ARHGAP26: variants seen among roughly 807,000 people sequenced by gnomAD.
ARHGAP26 encodes the protein Rho GTPase activating protein 26.
Under a neutral mutation model 104.8 loss-of-function variants are expected in ARHGAP26, and 38 were observed. The ratio of observed to expected loss-of-function variants is 0.36; its 90% CI spans 0.28 to 0.48. ARHGAP26 has a LOEUF of 0.48. ARHGAP26 is among the 20% of genes least tolerant of loss of function. The pLI is 0.99. For missense variants in ARHGAP26, 704 were observed against 947.9 expected, an observed-to-expected ratio of 0.74 and a Z score of 3.38; for synonymous variants, 341 against 340.0, an observed-to-expected ratio of 1.00 and a Z score of -0.03.
At chr5:143,007,084 C>T (rs1451301604) in intron 11 of ARHGAP26, among the ~76,000 whole-genome samples, 1 of 151,534 alleles carries the variant, frequency 6.6e-6, no homozygotes, top group Non-Finnish European at 1.5e-5. Flanking sequence ...GCCTGTAGTC[C>T]CAGCTGCTCA....
chr5:142,850,095 C>T (rs1751218549), intron 1 of ARHGAP26, among the ~76,000 whole-genome samples: 1 of 152,164 alleles, frequency 6.6e-6, no homozygotes, highest in Non-Finnish European at 1.5e-5. Context: ...AGCCTCATGC[C>T]CTCATTGTGT....
At chr5:142,793,736 C>T (rs913896006) in intron 1 of ARHGAP26, among the ~76,000 whole-genome samples, 3 of 151,946 alleles carry the variant, frequency 2.0e-5, no homozygotes, top group Non-Finnish European at 2.9e-5. Flanking sequence ...TACAGATGTG[C>T]GCCACCATGC....
At chr5:142,921,819 A>G (rs1763231746) in intron 10 of ARHGAP26, 1 of 152,312 alleles carries the variant, frequency 6.6e-6, no homozygotes. Flanking sequence ...GGAACACACT[A>G]ATATTCCCCT....
At chr5:142,859,619 G>A (rs1242931615) in intron 1 of ARHGAP26, 4 of 152,138 alleles carry the variant, frequency 2.6e-5, no homozygotes, top group African/African-American at 7.2e-5. Flanking sequence ...TAGCTCATAT[G>A]CATTTATTTC....
chr5:142,995,852 G>T (rs181448187), intron 11 of ARHGAP26, among the ~76,000 whole-genome samples: 1 of 152,330 alleles, frequency 6.6e-6, no homozygotes, highest in African/African-American at 2.4e-5. Flanking sequence ...ATGCATTCAT[G>T]TCCTTTGTAG....
intron 1 of ARHGAP26, among the ~76,000 whole-genome samples, chr5:142,796,187 A>G (rs1172993954): frequency 6.6e-6 from 1 of 152,026 alleles, no homozygotes; most frequent in African/African-American, 2.4e-5. Context: ...CATCTGCTGT[A>G]TGGACAAATA....
In ARHGAP26 at chr5:142,903,818, G is replaced by T. The variant is rs2304040; in HGVS notation, c.832+149G>T. The T allele has an allele frequency of 5.4e-4, 451 of 842,326 alleles. 8 individuals are homozygous for T. In the East Asian group the frequency reaches 0.014, roughly 25 times the overall value. 52.2% of individuals were successfully genotyped at this position (842,326 alleles called of 1,614,324 possible). A position where few individuals can be genotyped will look rare whatever the true frequency, so the allele number is the denominator to read the frequency against. ...AGTTCACCTTTCCAAAGAGAAAGAT[G>T]ATGTCCACAGAATCTTGTCTACCTT... On this transcript the variant is annotated intron_variant, in intron 8 of 22. Coordinates refer to ENST00000645722, the MANE Select transcript of ARHGAP26 (RefSeq NM_001135608.3).
intron 11 of ARHGAP26, among the ~76,000 whole-genome samples, chr5:142,969,071 A>C (rs949210047): frequency 6.6e-6 from 1 of 152,202 alleles, no homozygotes; most frequent in Non-Finnish European, 1.5e-5. Flanking sequence ...AGCTAGGACC[A>C]CAGGTGTGCA....
intron 14 of ARHGAP26, among the ~76,000 whole-genome samples, chr5:143,043,179 C>T (rs1783723225): frequency 6.6e-6 from 1 of 152,198 alleles, no homozygotes; most frequent in East Asian, 1.9e-4. Flanking sequence ...TGATGTTGTA[C>T]AAGCACATAC....
intron 18 of ARHGAP26, among the ~76,000 whole-genome samples, chr5:143,123,182 A>G (rs1311904321): frequency 1.3e-5 from 2 of 152,236 alleles, no homozygotes; most frequent in African/African-American, 2.4e-5. Flanking sequence ...TATGTGATCA[A>G]TAGAATATTG....
chr5:143,056,686 G>A (rs918673127), intron 16 of ARHGAP26, among the ~76,000 whole-genome samples: 5 of 152,100 alleles, frequency 3.3e-5, no homozygotes, highest in African/African-American at 1.2e-4. Context: ...ACATGGGTCA[G>A]GCCTCTTGTA....
At chr5:143,026,413 G>A (rs1477781344) in intron 12 of ARHGAP26, among the ~76,000 whole-genome samples, 4 of 152,146 alleles carry the variant, frequency 2.6e-5, no homozygotes, top group Non-Finnish European at 5.9e-5. Context: ...AGAAGGGAGT[G>A]ATTTTAGATA....
At chr5:142,913,134 T>C (rs967846267) in intron 9 of ARHGAP26, 65 bp from the exon 10 acceptor site, 2 of 1,306,642 alleles carry the variant, frequency 1.5e-6, no homozygotes, top group Non-Finnish European at 2.2e-6. Flanking sequence ...ACATGTCATG[T>C]ATGTCCTGGG....
chr5:143,158,549 A>T (rs1451718159), intron 20 of ARHGAP26, among the ~76,000 whole-genome samples: 1 of 152,212 alleles, frequency 6.6e-6, no homozygotes, highest in Admixed American at 6.5e-5. Flanking sequence ...TCATTATGGC[A>T]AAAGGGAAAA....
Position 143,095,223 on chromosome 5 carries a change from A to T in ARHGAP26, c.1539-25765A>T, listed in dbSNP as rs191759568. ...CATACAATTTTTTTATTGAGGTGAAATTCACTTAACATAAATTAGCCATTT... is the reference window on the plus strand; with the variant it reads ...CATACAATTTTTTTATTGAGGTGAATTTCACTTAACATAAATTAGCCATTT... On this transcript the variant is annotated intron_variant, in intron 17 of 22. Coordinates refer to ENST00000645722, the MANE Select transcript of ARHGAP26 (RefSeq NM_001135608.3). 1.3e-4 allele frequency among the ~76,000 whole-genome samples: 19 copies of T among 151,814 alleles called. 1 individual carries two copies. In the East Asian group the frequency reaches 3.1e-3, roughly 25 times the overall value.
intron 20 of ARHGAP26, among the ~76,000 whole-genome samples, chr5:143,171,632 C>T (rs1802782209): frequency 6.6e-6 from 1 of 152,184 alleles, no homozygotes; most frequent in African/African-American, 2.4e-5. Context: ...CTTCCTTAAG[C>T]ATTCCATAAC....
intron 17 of ARHGAP26, among the ~76,000 whole-genome samples, chr5:143,085,510 T>A (rs540521348): frequency 3.9e-5 from 6 of 152,042 alleles, no homozygotes; most frequent in Non-Finnish European, 8.8e-5. Flanking sequence ...AGGTACAGAT[T>A]AGCTTAGGAG....
intron 20 of ARHGAP26, chr5:143,203,126 A>T (rs1237780865): frequency 6.6e-6 from 1 of 152,214 alleles, no homozygotes; most frequent in African/African-American, 2.4e-5. Context: ...AACTATCATC[A>T]GAGTGAACAG....
chr5:143,195,810 A>ACTT (rs1477355567), intron 20 of ARHGAP26, among the ~76,000 whole-genome samples: 106 of 150,494 alleles, frequency 7.0e-4, no homozygotes, highest in African/African-American at 2.5e-3. Context: ...GGCTGGGGAG[A>ACTT]CTTTTTTTTT....
Sources: gnomAD v4.1 joint callset for allele counts (sites outside exome capture counted in the v4.1 genomes callset) on GRCh38, gnomAD v4.1.1 for gene constraint, MANE v1.5 for transcripts, NCBI Gene and HGNC (gene_info 2026-07-23, HGNC 2026-07-21) for gene names.